CLEC2D: variants seen among roughly 807,000 people sequenced by gnomAD.
CLEC2D encodes the protein C-type lectin related f.
Under a neutral mutation model 20.0 loss-of-function variants are expected in CLEC2D, and 16 were observed. The observed-to-expected ratio is 0.80, with a 90% CI of 0.54 to 1.22. CLEC2D has a LOEUF of 1.22. CLEC2D is among the 50% of genes most tolerant of loss of function. The pLI is 0.00. For missense variants in CLEC2D, 207 were observed against 221.5 expected (o/e 0.93, Z 0.42); for synonymous variants, 77 against 71.1 (o/e 1.08, Z -0.42).
rs1865469103 is a variant in CLEC2D, at chr12:9,673,791, A to C, written c.61+3996A>C. Among the ~76,000 whole-genome samples the C allele has an allele frequency of 2.0e-5, 3 of 152,324 alleles. No homozygotes were observed. The South Asian group carries it at 6.2e-4, about 32-fold the overall frequency. On this transcript the variant is annotated intron_variant, in intron 1 of 4. Transcript: ENST00000290855. ...CCTGCCTGGTGAGGAGGGATGGCTC[A>C]GGGTCCCACCTAAAGAGGCAGTCTG...
intron 2 of CLEC2D, among the ~76,000 whole-genome samples, chr12:9,684,098 G>A (rs994395365): frequency 6.6e-6 from 1 of 152,098 alleles, no homozygotes. Context: ...CACATCTCTT[G>A]TAAGTTGTAT....
At chr12:9,693,676 A>G in intron 4 of CLEC2D, 1 of 276,404 alleles carries the variant, frequency 3.6e-6, no homozygotes, top group South Asian at 3.0e-5. Context: ...ATGTACATTT[A>G]TACATTGTTG....
At chr12:9,686,422 AT>A (rs1190162696) in intron 2 of CLEC2D, among the ~76,000 whole-genome samples, 1 of 152,134 alleles carries the variant, frequency 6.6e-6, no homozygotes, top group Admixed American at 6.5e-5. Context: ...AAGAAATTAC[AT>A]TTTAATAGTT....
intron 3 of CLEC2D, chr12:9,688,307 C>A (rs1241511211): frequency 2.3e-6 from 2 of 886,672 alleles, no homozygotes; most frequent in Non-Finnish European, 2.9e-6. Context: ...GCCCAGAGGG[C>A]AAGCAAGCCA....
At chr12:9,670,074 AAAAAT>A (rs1865379624) in intron 1 of CLEC2D, among the ~76,000 whole-genome samples, 1 of 152,220 alleles carries the variant, frequency 6.6e-6, no homozygotes, top group East Asian at 1.9e-4. Flanking sequence ...TTCACTAAAA[AAAAAT>A]CTATACAAAC....
intron 3 of CLEC2D, among the ~76,000 whole-genome samples, chr12:9,689,200 C>T (rs1161500922): frequency 6.6e-6 from 1 of 152,162 alleles, no homozygotes; most frequent in Admixed American, 6.5e-5. Flanking sequence ...TGTTTTTCCT[C>T]CCTTTAGGAA....
intron 1 of CLEC2D, among the ~76,000 whole-genome samples, chr12:9,679,984 T>G (rs926368285): frequency 6.6e-6 from 1 of 152,144 alleles, no homozygotes; most frequent in Non-Finnish European, 1.5e-5. Flanking sequence ...GATAAACACC[T>G]TTGTTGACTC....
intron 1 of CLEC2D, among the ~76,000 whole-genome samples, chr12:9,679,650 A>G (rs1865594377): frequency 6.6e-6 from 1 of 152,184 alleles, no homozygotes; most frequent in African/African-American, 2.4e-5. Flanking sequence ...TGAACTCTAT[A>G]TTTTTAATTC....
intron 2 of CLEC2D, among the ~76,000 whole-genome samples, chr12:9,681,684 CT>C (rs1433488462): frequency 1.3e-5 from 2 of 152,154 alleles, no homozygotes; most frequent in African/African-American, 4.8e-5. Context: ...GGATATCAAC[CT>C]AAAATCTACC....
chr12:9,694,795 T>C lies in CLEC2D; in HGVS notation c.497T>C (p.Leu166Ser), dbSNP rs762120929. Residue 166 changes from leucine (L) to serine (S), a missense_variant, in exon 5 of 5, where the codon TTG becomes TCG. Physicochemically the swap from Leu to Ser is moderately radical, Grantham distance 145. Transcript: ENST00000290855. ...PILGAGECAY[L>S]NDKGASSARH... ...CTGGGAGCAGGAGAGTGTGCCTATT[T>C]GAATGACAAAGGTGCCAGTAGTGCC... 1 of 1,613,008 alleles carries C rather than the reference T, an allele frequency of 6.2e-7. No individual in the cohort carries two copies. Among genetic ancestry groups the C allele is most frequent in the South Asian group, 1.1e-5 (1 of 91,058 alleles).
intron 4 of CLEC2D, among the ~76,000 whole-genome samples, chr12:9,694,216 A>G (rs1255184084): frequency 1.3e-5 from 2 of 152,094 alleles, no homozygotes; most frequent in Non-Finnish European, 2.9e-5. Context: ...AAGGTCTAAC[A>G]AGTTTCAACA....
At position 9,697,309 on chromosome 12, in the gene CLEC2D, G is replaced by C. The variant is rs760343566; in HGVS notation, c.*2435G>C. On this transcript the variant is annotated 3_prime_UTR_variant, in exon 5 of 5. Coordinates refer to ENST00000290855, the MANE Select transcript of CLEC2D (RefSeq NM_013269.6). Reference sequence around the variant, plus strand: ...TTAAGCTACAAACAATAGCATGAGCGATCTGTGCCTTAAGGACATGTTCCT... The same window carrying C: ...TTAAGCTACAAACAATAGCATGAGCCATCTGTGCCTTAAGGACATGTTCCT... 6.6e-6 allele frequency: 1 copy of C among 152,158 alleles called. No individual in the cohort carries two copies. The highest frequency in any genetic ancestry group is 1.5e-5 in the Non-Finnish European group (1 of 68,030). The allele number at this position is 152,158 out of a possible 1,614,324, so 9.4% of individuals were successfully genotyped here.
rs1391622642 is a variant in CLEC2D, at chr12:9,694,919, C to A, written c.*45C>A. On this transcript the variant is annotated 3_prime_UTR_variant, in exon 5 of 5. Transcript: ENST00000290855. ...ACTAATCTTTAGAAGCATATTGGAA[C>A]TGATAACTCCATTTTAAAATGAGCA... is the stretch of plus-strand genomic sequence containing the variant. 4.1e-6 allele frequency: 4 copies of A among 967,448 alleles called. No homozygotes were observed. The African/African-American group carries it at 4.8e-5, about 12-fold the overall frequency. 59.9% of individuals were successfully genotyped at this position (967,448 alleles called of 1,614,324 possible).
chr12:9,682,177 G>A (rs1478906976), intron 2 of CLEC2D, among the ~76,000 whole-genome samples: 3 of 151,746 alleles, frequency 2.0e-5, no homozygotes, highest in African/African-American at 7.3e-5. Flanking sequence ...TTCTAATCTG[G>A]TCATTTTCTT....
intron 1 of CLEC2D, among the ~76,000 whole-genome samples, chr12:9,679,939 A>G (rs1228901162): frequency 2.0e-5 from 3 of 152,224 alleles, no homozygotes; most frequent in African/African-American, 4.8e-5. Flanking sequence ...AGGAAATTAT[A>G]CAATACAAAT....
intron 1 of CLEC2D, among the ~76,000 whole-genome samples, chr12:9,679,517 A>G (rs371790678): frequency 7.2e-5 from 11 of 152,124 alleles, no homozygotes; most frequent in Middle Eastern, 3.4e-3. Flanking sequence ...TCTTGCTTGC[A>G]TGGTTTTTGA....
intron 1 of CLEC2D, among the ~76,000 whole-genome samples, chr12:9,679,509 T>C (rs1865591677): frequency 6.6e-6 from 1 of 152,202 alleles, no homozygotes; most frequent in African/African-American, 2.4e-5. Context: ...CACTGTCTTC[T>C]TGCTTGCATG....
At chr12:9,675,555 C>A (rs1405657580) in intron 1 of CLEC2D, among the ~76,000 whole-genome samples, 1 of 152,188 alleles carries the variant, frequency 6.6e-6, no homozygotes, top group Non-Finnish European at 1.5e-5. Context: ...TAGAGTAAAT[C>A]ATGAAGTCAG....
intron 2 of CLEC2D, 138 bp downstream of exon 2, chr12:9,681,171 TA>T (rs1865628002): frequency 1.9e-6 from 1 of 528,702 alleles, no homozygotes. Flanking sequence ...AATAACTTTT[TA>T]AGTGGCACCA....
Sources: gnomAD v4.1 joint callset for allele counts (sites outside exome capture counted in the v4.1 genomes callset) on GRCh38, gnomAD v4.1.1 for gene constraint, MANE v1.5 for transcripts, NCBI Gene and HGNC (gene_info 2026-07-23, HGNC 2026-07-21) for gene names.